PCDH15: variants seen among roughly 807,000 people sequenced by gnomAD.
The protein encoded by PCDH15 is protocadherin-15.
A neutral mutation model predicts 178.5 loss-of-function variants in PCDH15; 129 were observed. The ratio of observed to expected loss-of-function variants is 0.72; its 90% confidence interval spans 0.63 to 0.84. PCDH15 has a LOEUF of 0.84. PCDH15 is among the 40% of genes least tolerant of loss of function. The probability of loss-of-function intolerance (pLI) is 0.00; values close to 1 mark genes in which losing one functional copy is unlikely to be tolerated. For synonymous variants in PCDH15, 800 were observed against 732.0 expected (o/e 1.09, Z -1.50); for missense variants, 2,230 against 2,099.9 (o/e 1.06, Z -1.21).
In PCDH15 at chr10:53,849,888, G is replaced by T. The variant is rs11003881; in HGVS notation, c.3806+7287C>A. Among the ~76,000 whole-genome samples the T allele has an allele frequency of 7.3e-3, 1,005 of 137,176 alleles. 13 individuals carry two copies. Among genetic ancestry groups the T allele is most frequent in the African/African-American group, 0.025 (950 of 37,410 alleles). The allele number at this position is 137,176 out of a possible 152,430, so 90.0% of individuals were successfully genotyped here. ...AAAAAAAAAAAAAAAAAAAAAGAAAGAAAGAAAAATTTGTACAAATTTGGA... is the reference window on the plus strand; with the variant it reads ...AAAAAAAAAAAAAAAAAAAAAGAAATAAAGAAAAATTTGTACAAATTTGGA... On this transcript the variant is annotated intron_variant, in intron 28 of 37. Coordinates refer to ENST00000644397, the MANE Select transcript of PCDH15 (RefSeq NM_001384140.1).
intron 26 of PCDH15, among the ~76,000 whole-genome samples, chr10:53,871,816 C>G (rs2079884472): frequency 6.6e-6 from 1 of 151,730 alleles, no homozygotes; most frequent in Non-Finnish European, 1.5e-5. Flanking sequence ...TGCAATGGCT[C>G]GATCTTGGCT....
chr10:54,624,377 T>C (rs1444454320), intron 2 of PCDH15, among the ~76,000 whole-genome samples: 3 of 152,198 alleles, frequency 2.0e-5, no homozygotes, highest in Non-Finnish European at 4.4e-5. Flanking sequence ...ACTGATTGCC[T>C]TGAATTTGTT....
chr10:54,553,562 C>A (rs1268554759), intron 2 of PCDH15, among the ~76,000 whole-genome samples: 1 of 152,114 alleles, frequency 6.6e-6, no homozygotes, highest in Admixed American at 6.6e-5. Flanking sequence ...GAGGTTTATA[C>A]AAAAATGGCC....
At chr10:54,276,579 T>A (rs2058361876) in intron 8 of PCDH15, among the ~76,000 whole-genome samples, 1 of 151,684 alleles carries the variant, frequency 6.6e-6, no homozygotes, top group Non-Finnish European at 1.5e-5. Context: ...GATATTCATA[T>A]GACCCAGAAA....
chr10:55,362,218 T>C (rs1845247874), intron 2 of PCDH15, among the ~76,000 whole-genome samples: 2 of 152,240 alleles, frequency 1.3e-5, no homozygotes, highest in South Asian at 4.1e-4. Flanking sequence ...CTTTAAAATA[T>C]TTTTATCTAA....
At chr10:54,046,544 T>C (rs1047463137) in intron 18 of PCDH15, among the ~76,000 whole-genome samples, 15 of 152,094 alleles carry the variant, frequency 9.9e-5, no homozygotes, top group African/African-American at 3.6e-4. Context: ...TAAAATTCTG[T>C]TTACAGGCTT....
chr10:55,306,187 A>C (rs1440546284), intron 1 of PCDH15, among the ~76,000 whole-genome samples: 2 of 152,218 alleles, frequency 1.3e-5, no homozygotes, highest in Admixed American at 1.3e-4. Context: ...AAATCTAATA[A>C]AAAGAATCAA....
chr10:55,109,414 A>G (rs1471822920), intron 2 of PCDH15, among the ~76,000 whole-genome samples: 1 of 152,218 alleles, frequency 6.6e-6, no homozygotes, highest in Non-Finnish European at 1.5e-5. Flanking sequence ...ATTAACATGA[A>G]GCATCATAAG....
At chr10:55,213,060 A>C (rs1428842937) in intron 1 of PCDH15, among the ~76,000 whole-genome samples, 3 of 152,100 alleles carry the variant, frequency 2.0e-5, no homozygotes, top group Non-Finnish European at 4.4e-5. Context: ...TAGGCATATA[A>C]AGACATGATT....
chr10:54,578,234 T>A (rs1309372111), intron 2 of PCDH15, among the ~76,000 whole-genome samples: 6 of 152,062 alleles, frequency 3.9e-5, no homozygotes, highest in Admixed American at 3.9e-4. Flanking sequence ...CCTTTCAAAG[T>A]TTGAGGGCCC....
intron 2 of PCDH15, among the ~76,000 whole-genome samples, chr10:55,058,040 T>C (rs1185718843): frequency 6.6e-6 from 1 of 152,160 alleles, no homozygotes; most frequent in Non-Finnish European, 1.5e-5. Flanking sequence ...TTGCATTCTG[T>C]ACATTTCATA....
At chr10:54,049,911 G>A (rs990149416) in intron 18 of PCDH15, among the ~76,000 whole-genome samples, 1 of 152,132 alleles carries the variant, frequency 6.6e-6, no homozygotes. Flanking sequence ...GAGCCATGGT[G>A]CCCAGCTTTG....
chr10:54,346,252 T>C (rs1943260217), intron 6 of PCDH15, 113 bp downstream of exon 6: 1 of 963,378 alleles, frequency 1.0e-6, no homozygotes, highest in Admixed American at 2.3e-5. Context: ...AATAATAGTA[T>C]CATTACTAAT....
At chr10:55,029,238 T>A (rs1840551160) in intron 2 of PCDH15, among the ~76,000 whole-genome samples, 1 of 152,036 alleles carries the variant, frequency 6.6e-6, no homozygotes, top group South Asian at 2.1e-4. Context: ...GATAAGAATG[T>A]TAGGTTGTTC....
At chr10:54,139,419 T>C (rs2043187438) in intron 14 of PCDH15, among the ~76,000 whole-genome samples, 1 of 152,148 alleles carries the variant, frequency 6.6e-6, no homozygotes, top group Non-Finnish European at 1.5e-5. Context: ...ACTTGTAAAT[T>C]GAATAAATGT....
chr10:54,300,315 T>C (rs1819462930), intron 8 of PCDH15, among the ~76,000 whole-genome samples: 1 of 152,190 alleles, frequency 6.6e-6, no homozygotes. Context: ...GTAGCAGCCA[T>C]TTTGCAATTA....
intron 3 of PCDH15, among the ~76,000 whole-genome samples, chr10:54,830,886 T>C (rs948940726): frequency 5.3e-5 from 8 of 152,042 alleles, no homozygotes; most frequent in African/African-American, 1.7e-4. Context: ...AAATCACTTG[T>C]CTGCTTTCCT....
intron 1 of PCDH15, among the ~76,000 whole-genome samples, chr10:54,732,762 G>A (rs2132677111): frequency 6.6e-6 from 1 of 151,572 alleles, no homozygotes; most frequent in Non-Finnish European, 1.5e-5. Flanking sequence ...TCTCTCTCAT[G>A]AGCATAGATG....
In PCDH15 at chr10:54,591,746, A is replaced by G. The variant is rs188996344; in HGVS notation, c.92-63869T>C. Among the ~76,000 whole-genome samples the G allele has an allele frequency of 9.7e-4, 148 of 152,322 alleles. 1 individual carries two copies. Among genetic ancestry groups the G allele is most frequent in the Non-Finnish European group, 1.9e-3 (130 of 68,026 alleles). ...TTAAAATGAAACTTAGAATTTTTCTATATTACATATTTGGGAAATTTGAAT... is the reference window on the plus strand; with the variant it reads ...TTAAAATGAAACTTAGAATTTTTCTGTATTACATATTTGGGAAATTTGAAT... On this transcript the variant is annotated intron_variant, in intron 2 of 37. Coordinates refer to ENST00000644397, the MANE Select transcript of PCDH15 (RefSeq NM_001384140.1).
Sources: gnomAD v4.1 joint callset for allele counts (sites outside exome capture counted in the v4.1 genomes callset) on GRCh38, gnomAD v4.1.1 for gene constraint, MANE v1.5 for transcripts, NCBI Gene and HGNC (gene_info 2026-07-23, HGNC 2026-07-21) for gene names.